Variants in G2E3 observed in about 807,000 individuals in gnomAD.
G2E3 encodes G2/M-phase specific E3 ubiquitin protein ligase.
Under a neutral mutation model 92.8 loss-of-function variants are expected in G2E3, and 35 were observed. The observed-to-expected ratio is 0.38, with a 90% CI of 0.29 to 0.50. The LOEUF (loss-of-function observed/expected upper bound fraction) is 0.50, where lower values mean the gene tolerates loss of function less well. G2E3 is among the 20% of genes least tolerant of loss of function. The probability of loss-of-function intolerance (pLI) is 0.94; values close to 1 mark genes in which losing one functional copy is unlikely to be tolerated. For missense variants in G2E3, 554 were observed against 823.8 expected, an observed-to-expected ratio of 0.67 and a Z score of 4.01; for synonymous variants, 242 against 272.4, an observed-to-expected ratio of 0.89 and a Z score of 1.10.
chr14:30,560,222 A>G (rs1228126651), intron 1 of G2E3: 3 of 152,178 alleles, frequency 2.0e-5, no homozygotes, highest in African/African-American at 7.2e-5. Context: ...ATAAATGTAA[A>G]CTATAAATGG....
intron 12 of G2E3, among the ~76,000 whole-genome samples, chr14:30,610,073 G>A (rs567027859): frequency 6.6e-6 from 1 of 152,288 alleles, no homozygotes; most frequent in South Asian, 2.1e-4. Flanking sequence ...CGAAGTTGAA[G>A]CTCTTCATTA....
In G2E3 at chr14:30,618,418, A is replaced by AC. The variant is rs1418420371; in HGVS notation, c.*1886dup. On this transcript the variant is annotated 3_prime_UTR_variant, in exon 15 of 15. Transcript: ENST00000206595. Reference sequence around the variant, plus strand: ...CTAAAAACCAATACAAACCAATAAAACCTAGTTAAAGCTATTTTCTGGTTT... The same window carrying AC: ...CTAAAAACCAATACAAACCAATAAAACCCTAGTTAAAGCTATTTTCTGGTTT... 7.9e-5 allele frequency: 12 copies of AC among 152,088 alleles called. No individual in the cohort carries two copies. Among genetic ancestry groups the AC allele is most frequent in the African/African-American group, 2.4e-4 (10 of 41,432 alleles). The allele number at this position is 152,088 out of a possible 1,614,324, so 9.4% of individuals were successfully genotyped here. A position where few individuals can be genotyped will look rare whatever the true frequency, so the allele number is the denominator to read the frequency against.
At position 30,585,018 on chromosome 14, in the gene G2E3, T is replaced by C. The variant is rs61976694; in HGVS notation, c.38-1700T>C. On this transcript the variant is annotated intron_variant, in intron 2 of 14. Coordinates refer to ENST00000206595, the MANE Select transcript of G2E3 (RefSeq NM_017769.5). ...AGCTAATTTTTGTATTTTTTTTTAG[T>C]AGAGATGGGGTTTCACCATGTTGGG... Among the ~76,000 whole-genome samples, 1,339 of 151,890 alleles carry C rather than the reference T, an allele frequency of 8.8e-3. 9 individuals carry two copies. The highest frequency in any genetic ancestry group is 0.012 in the Non-Finnish European group (820 of 67,924).
chr14:30,605,771 T>C lies in G2E3; in HGVS notation c.1277T>C (p.Phe426Ser). ...CAACATCTTGAGAACTCATCATTGTTTGAAGGGTCCTTGTCAAAGAACTTG... is the reference window on the plus strand; with the variant it reads ...CAACATCTTGAGAACTCATCATTGTCTGAAGGGTCCTTGTCAAAGAACTTG... ...LMQHLENSSLFEGSLSKNLSL... is the reference protein window; with the variant it reads ...LMQHLENSSLSEGSLSKNLSL... Residue 426 changes from phenylalanine (F) to serine (S), a missense_variant, in exon 11 of 15, where the codon TTT becomes TCT. Phe to Ser is a radical substitution (Grantham distance 155). Coordinates refer to ENST00000206595, the MANE Select transcript of G2E3 (RefSeq NM_017769.5). 1 of 1,592,624 alleles carries C rather than the reference T, an allele frequency of 6.3e-7. No individual in the cohort carries two copies. Among genetic ancestry groups the C allele is most frequent in the Non-Finnish European group, 8.5e-7 (1 of 1,171,440 alleles).
In G2E3 at chr14:30,615,370, C is replaced by G. The variant is rs568205807; in HGVS notation, c.1695C>G (p.Thr565=). 1.9e-5 allele frequency: 30 copies of G among 1,594,682 alleles called. No homozygotes were observed. The South Asian group carries it at 2.8e-4, about 15-fold the overall frequency. Residue 565 remains threonine, a synonymous_variant, in exon 14 of 15, where the codon ACC becomes ACG. Transcript: ENST00000206595. ...PFESFKQGLK[T]LGVLEKIQAY... ...TAAGTTTTAAGCAGGGTCTGAAAACCCTTGGTGTTTTGGAGAAAATTCAGG... is the reference window on the plus strand; with the variant it reads ...TAAGTTTTAAGCAGGGTCTGAAAACGCTTGGTGTTTTGGAGAAAATTCAGG...
At chr14:30,570,843 A>G (rs946676517) in intron 1 of G2E3, among the ~76,000 whole-genome samples, 5 of 152,114 alleles carry the variant, frequency 3.3e-5, no homozygotes, top group African/African-American at 1.2e-4. Flanking sequence ...CTAAGTTTGA[A>G]GAGTTTTTTC....
chr14:30,609,055 A>G (rs1180802514), intron 12 of G2E3, among the ~76,000 whole-genome samples: 1 of 152,210 alleles, frequency 6.6e-6, no homozygotes, highest in Admixed American at 6.5e-5. Context: ...ATGTTGTGTC[A>G]CTTTGGGCAT....
At chr14:30,570,210 G>A (rs542161060) in intron 1 of G2E3, among the ~76,000 whole-genome samples, 3 of 152,082 alleles carry the variant, frequency 2.0e-5, no homozygotes, top group African/African-American at 7.2e-5. Flanking sequence ...GGGATATTTT[G>A]TATGTGTTAA....
chr14:30,600,886 C>T (rs1335647461), intron 8 of G2E3, among the ~76,000 whole-genome samples: 1 of 152,216 alleles, frequency 6.6e-6, no homozygotes, highest in Non-Finnish European at 1.5e-5. Flanking sequence ...GACAGTGGTT[C>T]TCTCTACCTT....
intron 7 of G2E3, chr14:30,598,148 G>A (rs1881381502): frequency 4.9e-6 from 1 of 204,422 alleles, no homozygotes; most frequent in Admixed American, 5.3e-5. Context: ...ACTTTGGGAG[G>A]CCGAGGCGGG....
At chr14:30,587,847 A>T (rs553722745) in intron 3 of G2E3, among the ~76,000 whole-genome samples, 1 of 152,284 alleles carries the variant, frequency 6.6e-6, no homozygotes, top group African/African-American at 2.4e-5. Context: ...CCACACACTA[A>T]TGTCACTTTT....
At chr14:30,586,873 A>T in intron 3 of G2E3, 58 bp downstream of exon 3, 1 of 544,154 alleles carries the variant, frequency 1.8e-6, no homozygotes, top group Non-Finnish European at 3.2e-6. Flanking sequence ...AGATAGTAAG[A>T]TTCTGACACT....
rs747388268 is a variant in G2E3 at position 30,608,104 on chromosome 14, A to T, written c.1500+35A>T. 1.3e-5 allele frequency: 16 copies of T among 1,199,160 alleles called. 1 individual carries two copies. In the South Asian group the frequency reaches 2.5e-4, roughly 19 times the overall value. The allele number at this position is 1,199,160 out of a possible 1,614,324, so 74.3% of individuals were successfully genotyped here. A position where few individuals can be genotyped will look rare whatever the true frequency, so the allele number is the denominator to read the frequency against. On this transcript the variant is annotated intron_variant, in intron 12 of 14. Coordinates refer to ENST00000206595, the MANE Select transcript of G2E3 (RefSeq NM_017769.5). ...GTATCTGTTTATTAAAATGCACACT[A>T]CATTCTAGGTATCTTTTAATGTAAA...
intron 4 of G2E3, 59 bp downstream of exon 4, chr14:30,589,543 C>A: frequency 1.2e-6 from 1 of 855,696 alleles, no homozygotes; most frequent in Non-Finnish European, 1.9e-6. Context: ...CTTGGGAAGT[C>A]TTTTCTATCA....
Position 30,598,615 on chromosome 14 carries a change from C to G in G2E3, c.752+16C>G. The G allele has an allele frequency of 6.8e-7, 1 of 1,461,986 alleles. No individual in the cohort carries two copies. The highest frequency in any genetic ancestry group is 1.1e-5 in the South Asian group (1 of 87,942). 90.6% of individuals were successfully genotyped at this position (1,461,986 alleles called of 1,614,324 possible). ...CACCTGATAGGTATTTCTGAAAGTT[C>G]AGTTGTGCTTAGTGGTTCCTTGTTT... On this transcript the variant is annotated intron_variant, in intron 8 of 14. Coordinates refer to ENST00000206595, the MANE Select transcript of G2E3 (RefSeq NM_017769.5).
intron 4 of G2E3, 113 bp downstream of exon 4, chr14:30,589,597 G>A: frequency 1.6e-6 from 1 of 611,044 alleles, no homozygotes; most frequent in Non-Finnish European, 2.9e-6. Context: ...AGGTTTCAAT[G>A]CATATTTTGT....
chr14:30,610,488 C>T (rs554337085), intron 12 of G2E3, among the ~76,000 whole-genome samples: 4 of 152,178 alleles, frequency 2.6e-5, no homozygotes, highest in Non-Finnish European at 4.4e-5. Context: ...TGGTGGCGCG[C>T]GCCTATAGTC....
rs1882313586 is a variant in G2E3, at chr14:30,616,343, C to G, written c.1930C>G (p.Pro644Ala). Residue 644 changes from proline (P) to alanine (A), a missense_variant, in exon 15 of 15, where the codon CCA becomes GCA. By Grantham distance (27) the Pro-to-Ala change is conservative. This residue lies in a region of G2E3 where 397 missense variants were observed against 560.3 expected (regional missense o/e 0.71). Transcript: ENST00000206595. ...IFATGCSSIP[P>A]AGFKPTPSIE... ...TGCAACTGGTTGCAGTTCCATTCCTCCAGCTGGATTTAAACCCACTCCTTC... is the reference window on the plus strand; with the variant it reads ...TGCAACTGGTTGCAGTTCCATTCCTGCAGCTGGATTTAAACCCACTCCTTC... The G allele has an allele frequency of 6.2e-7, 1 of 1,610,296 alleles. No individual in the cohort carries two copies. Among genetic ancestry groups the G allele is most frequent in the Non-Finnish European group, 8.5e-7 (1 of 1,176,858 alleles).
rs1472478023 is a variant in G2E3, at chr14:30,594,412, G to A, written c.528+773G>A. 4.6e-5 allele frequency among the ~76,000 whole-genome samples: 7 copies of A among 152,120 alleles called. No individual in the cohort carries two copies. The East Asian group carries it at 7.7e-4, about 17-fold the overall frequency. On this transcript the variant is annotated intron_variant, in intron 6 of 14. Transcript: ENST00000206595. ...TTTTAAAAGTTAAAAGATGTAGGCC[G>A]GGTGTGGTGGCTCACGCCTGTAATC...
Sources: gnomAD v4.1 joint callset for allele counts (sites outside exome capture counted in the v4.1 genomes callset) on GRCh38, gnomAD v4.1.1 for gene constraint, gnomAD v4.1.1 regional missense constraint, MANE v1.5 for transcripts, NCBI Gene and HGNC (gene_info 2026-07-23, HGNC 2026-07-21) for gene names.